The following SCAMP4 variants were observed in gnomAD, a reference collection of about 807,000 sequenced individuals.
SCAMP4 encodes secretory carrier-associated membrane protein 4.
Under a neutral mutation model 32.1 loss-of-function variants are expected in SCAMP4, and 19 were observed. That is an observed-to-expected ratio of 0.59 (90% CI 0.41 to 0.87). The LOEUF (loss-of-function observed/expected upper bound fraction) is 0.87, where lower values mean the gene tolerates loss of function less well. SCAMP4 is among the 40% of genes least tolerant of loss of function. The pLI is 0.00. For synonymous variants in SCAMP4, 152 were observed against 132.7 expected, an observed-to-expected ratio of 1.15 and a Z score of -1.00; for missense variants, 302 against 309.0, an observed-to-expected ratio of 0.98 and a Z score of 0.17.
At chr19:1,918,387 G>A (rs2013806625) in intron 4 of SCAMP4, 104 bp downstream of exon 4, 1 of 1,272,078 alleles carries the variant, frequency 7.9e-7, no homozygotes, top group Non-Finnish European at 1.1e-6. Context: ...TCTCTGCCCA[G>A]TGTGAAAGAC....
chr19:1,923,871 CGCCTCGGCCTCCCG>C (rs2014004753), intron 6 of SCAMP4, among the ~76,000 whole-genome samples: 1 of 114,876 alleles, frequency 8.7e-6, no homozygotes, highest in African/African-American at 4.5e-5. Flanking sequence ...GTGATCCTCC[CGCCTCGGCCTCCCG>C]AAGTGCTGGG....
rs569296164 is a variant in SCAMP4, at chr19:1,925,719, C to G, written c.*1435C>G. 3.9e-5 allele frequency: 6 copies of G among 152,594 alleles called. No individual in the cohort carries two copies. Among genetic ancestry groups the G allele is most frequent in the African/African-American group, 1.5e-4 (6 of 41,348 alleles). The allele number at this position is 152,594 out of a possible 1,614,324, so 9.5% of individuals were successfully genotyped here. A position where few individuals can be genotyped will look rare whatever the true frequency, so the allele number is the denominator to read the frequency against. ...ATGTGAGCCAGTCCCCTCGCTGGTA[C>G]GGAATGCCGCTGGGTGCCCGGAGGC... On this transcript the variant is annotated 3_prime_UTR_variant, in exon 7 of 7. Transcript: ENST00000316097.
At chr19:1,917,854 C>T (rs570591086) in intron 3 of SCAMP4, 32 bp downstream of exon 3, 16 of 1,611,596 alleles carry the variant, frequency 9.9e-6, no homozygotes, top group Middle Eastern at 1.8e-4. Flanking sequence ...AGGCGGGAAG[C>T]GGGAGGCAGG....
At chr19:1,911,458 C>T (rs1242460167) in intron 1 of SCAMP4, among the ~76,000 whole-genome samples, 1 of 152,200 alleles carries the variant, frequency 6.6e-6, no homozygotes, top group Non-Finnish European at 1.5e-5. Context: ...AGGCGTGAGC[C>T]GCTGGTACCT....
rs542764394 is a variant in SCAMP4, at chr19:1,911,375, T to C, written c.-41-3604T>C. Reference sequence around the variant, plus strand: ...TTAGTAGAAATGGGGTGTTGTTATGTTGCCTAGGCTGGTCTTAAACTCCTG... The same window carrying C: ...TTAGTAGAAATGGGGTGTTGTTATGCTGCCTAGGCTGGTCTTAAACTCCTG... On this transcript the variant is annotated intron_variant, in intron 1 of 6. Coordinates refer to ENST00000316097, the MANE Select transcript of SCAMP4 (RefSeq NM_079834.4). Among the ~76,000 whole-genome samples, 10 of 152,182 alleles carry C rather than the reference T, an allele frequency of 6.6e-5. 1 individual carries two copies. The highest frequency in any genetic ancestry group is 5.9e-4 in the Admixed American group (9 of 15,280).
rs960930661 is a variant in SCAMP4 at position 1,921,256 on chromosome 19, T to C, written c.396-1814T>C. ...GTGGGGCAAGAGGCGACAGCCCCGC[T>C]CTCCCTGCCCCGGGCAGCTTCACCA... On this transcript the variant is annotated intron_variant, in intron 5 of 6. Coordinates refer to ENST00000316097, the MANE Select transcript of SCAMP4 (RefSeq NM_079834.4). The C allele has an allele frequency of 1.8e-5, 18 of 985,028 alleles. No homozygotes were observed. The East Asian group carries it at 1.3e-3, about 69-fold the overall frequency. 61.0% of individuals were successfully genotyped at this position (985,028 alleles called of 1,614,324 possible).
At chr19:1,915,840 A>G (rs913652638) in intron 2 of SCAMP4, among the ~76,000 whole-genome samples, 1 of 151,284 alleles carries the variant, frequency 6.6e-6, no homozygotes, top group East Asian at 1.9e-4. Flanking sequence ...CAGCTACTCG[A>G]GAGGCTGAGG....
chr19:1,909,957 C>T (rs36094065), intron 1 of SCAMP4, among the ~76,000 whole-genome samples: 9,395 of 152,202 alleles, frequency 0.062, 371 homozygotes, highest in East Asian at 0.12. Context: ...GACTAGGGGG[C>T]GAGTGTTTAC....
chr19:1,912,363 C>G (rs1055415692), intron 1 of SCAMP4: 1 of 1,527,126 alleles, frequency 6.5e-7, no homozygotes, highest in Non-Finnish European at 8.7e-7. Context: ...CCCCCACGCC[C>G]TGGAGATGCT....
intron 1 of SCAMP4, chr19:1,906,850 CAAA>C (rs919454906): frequency 1.4e-4 from 9 of 66,396 alleles, no homozygotes; most frequent in East Asian, 5.5e-4. Flanking sequence ...GACTCCGTCT[CAAA>C]AAAAAAAAAA....
At position 1,908,466 on chromosome 19, in the gene SCAMP4, C is replaced by T. The variant is rs1382400383; in HGVS notation, c.-42+3027C>T. On this transcript the variant is annotated intron_variant, in intron 1 of 6. Coordinates refer to ENST00000316097, the MANE Select transcript of SCAMP4 (RefSeq NM_079834.4). This position sits in a 1 kb window ranked among gnomAD's most constrained non-coding sequence, Gnocchi z 4.2. ...CACAGCTGCGCGGCTGCGAAATGAT[C>T]CAGAGACACATCCCTGTCTGCGGGA... The T allele has an allele frequency of 2.1e-6, 1 of 470,670 alleles. No individual in the cohort carries two copies. The highest frequency in any genetic ancestry group is 2.0e-5 in the African/African-American group (1 of 50,030). The allele number at this position is 470,670 out of a possible 1,614,324, so 29.2% of individuals were successfully genotyped here. A position where few individuals can be genotyped will look rare whatever the true frequency, so the allele number is the denominator to read the frequency against.
intron 6 of SCAMP4, among the ~76,000 whole-genome samples, chr19:1,923,615 CTTT>C (rs35226425): frequency 1.2e-5 from 1 of 86,466 alleles, no homozygotes; most frequent in Non-Finnish European, 2.0e-5. Context: ...CAGCAAAATG[CTTT>C]TTTTTTTTTT....
chr19:1,925,967 G>C lies in SCAMP4; in HGVS notation c.*1683G>C, dbSNP rs1170698265. 8.7e-6 allele frequency: 1 copy of C among 115,474 alleles called. No individual in the cohort carries two copies. The highest frequency in any genetic ancestry group is 3.4e-5 in the African/African-American group (1 of 29,208). 7.2% of individuals were successfully genotyped at this position (115,474 alleles called of 1,614,324 possible). A position where few individuals can be genotyped will look rare whatever the true frequency, so the allele number is the denominator to read the frequency against. On this transcript the variant is annotated 3_prime_UTR_variant, in exon 7 of 7. Transcript: ENST00000316097. Reference sequence around the variant, plus strand: ...CCCCTCGCCGCATCGTTGGGGTTTTGTTATGTGAAAATATCCTGGAAATAA... The same window carrying C: ...CCCCTCGCCGCATCGTTGGGGTTTTCTTATGTGAAAATATCCTGGAAATAA...
intron 1 of SCAMP4, chr19:1,912,978 G>A: frequency 3.1e-6 from 5 of 1,609,788 alleles, no homozygotes; most frequent in South Asian, 1.1e-5. Flanking sequence ...CGCCATGTGC[G>A]CCATGGCCCT....
chr19:1,922,090 T>TATTCCC (rs1412538791), intron 5 of SCAMP4: 2 of 985,336 alleles, frequency 2.0e-6, no homozygotes, highest in African/African-American at 3.5e-5. Context: ...CCCTGAATTT[T>TATTCCC]AAACCCTGTG....
chr19:1,914,650 G>T lies in SCAMP4; in HGVS notation c.-41-329G>T, dbSNP rs905653689. ...GGCCCTGCAGCGTTCACCTTGTGGC[G>T]CCCACCCCTTGTGGGCTGAAGCCGG... On this transcript the variant is annotated intron_variant, in intron 1 of 6. Transcript: ENST00000316097. The T allele has an allele frequency of 1.5e-5, 6 of 413,044 alleles. No homozygotes were observed. The East Asian group carries it at 3.0e-4, about 21-fold the overall frequency. 25.6% of individuals were successfully genotyped at this position (413,044 alleles called of 1,614,324 possible). A position where few individuals can be genotyped will look rare whatever the true frequency, so the allele number is the denominator to read the frequency against.
intron 1 of SCAMP4, chr19:1,911,747 T>TA: frequency 7.1e-6 from 2 of 280,050 alleles, no homozygotes. Context: ...CATGCCACTG[T>TA]ACTCCAGCCT....
At chr19:1,909,200 G>T (rs2013303932) in intron 1 of SCAMP4, among the ~76,000 whole-genome samples, 1 of 152,140 alleles carries the variant, frequency 6.6e-6, no homozygotes, top group Admixed American at 6.5e-5. Context: ...GCAGGTGGGG[G>T]AAGGCTGGCC....
chr19:1,913,343 C>T (rs2013602891), intron 1 of SCAMP4: 3 of 851,560 alleles, frequency 3.5e-6, no homozygotes, highest in South Asian at 3.8e-5. Context: ...GGGGCCACCC[C>T]GTGCCAGCGG....
Sources: gnomAD v4.1 joint callset for allele counts (sites outside exome capture counted in the v4.1 genomes callset) on GRCh38, gnomAD v4.1.1 for gene constraint, Gnocchi (gnomAD v3.1) non-coding constraint, MANE v1.5 for transcripts, NCBI Gene and HGNC (gene_info 2026-07-23, HGNC 2026-07-21) for gene names.